Variants in TTLL5 observed in about 807,000 individuals in gnomAD.
The protein encoded by TTLL5 is tubulin tyrosine ligase like 5, also known as tubulin polyglutamylase TTLL5.
In TTLL5, 132 loss-of-function variants were observed where a neutral mutation model predicts 168.4. The ratio of observed to expected loss-of-function variants is 0.78; its 90% CI spans 0.68 to 0.91. TTLL5 has a LOEUF of 0.91. TTLL5 is among the 40% of genes least tolerant of loss of function. TTLL5 has a pLI of 0.00. For synonymous variants in TTLL5, 546 were observed against 558.6 expected (o/e 0.98, Z 0.32); for missense variants, 1,545 against 1,581.5 (o/e 0.98, Z 0.39).
At chr14:75,743,960 C>T (rs543006873) in intron 15 of TTLL5, among the ~76,000 whole-genome samples, 8 of 152,214 alleles carry the variant, frequency 5.3e-5, no homozygotes, top group Non-Finnish European at 1.2e-4. Flanking sequence ...TAATTACCTT[C>T]CAAAAGTCCC....
At chr14:75,781,712 T>C (rs1408109730) in intron 24 of TTLL5, among the ~76,000 whole-genome samples, 2 of 152,102 alleles carry the variant, frequency 1.3e-5, no homozygotes, top group Non-Finnish European at 2.9e-5. Context: ...CCCAGCACTT[T>C]GGGAAGCTGA....
intron 29 of TTLL5, among the ~76,000 whole-genome samples, chr14:75,876,670 A>T (rs1381351781): frequency 3.3e-5 from 5 of 152,204 alleles, no homozygotes; most frequent in Admixed American, 6.5e-5. Flanking sequence ...TTATAGCAGC[A>T]CCAGAAAAGT....
chr14:75,695,180 G>A (rs1316963792), intron 6 of TTLL5, among the ~76,000 whole-genome samples: 1 of 152,150 alleles, frequency 6.6e-6, no homozygotes, highest in Admixed American at 6.5e-5. Context: ...CTAGGGGAAG[G>A]TCCCTAAAAT....
At chr14:75,832,777 T>G (rs1003913432) in intron 28 of TTLL5, among the ~76,000 whole-genome samples, 2 of 152,190 alleles carry the variant, frequency 1.3e-5, no homozygotes, top group African/African-American at 4.8e-5. Flanking sequence ...CGTTACTCAG[T>G]TAGTTTGGCA....
intron 9 of TTLL5, among the ~76,000 whole-genome samples, chr14:75,708,567 C>T (rs1361908497): frequency 2.0e-5 from 3 of 152,070 alleles, no homozygotes; most frequent in Non-Finnish European, 4.4e-5. Flanking sequence ...CCTCGTGATC[C>T]GCCTGCCTCA....
Position 75,766,145 on chromosome 14 carries a change from G to A in TTLL5, c.1792G>A (p.Glu598Lys). Reference protein sequence around the residue: ...EEEVALDNEDEEQEASQEESA... With the variant: ...EEEVALDNEDKEQEASQEESA... ...AGAAGTCGCATTAGATAATGAAGAT[G>A]AAGAACAGGAGGCTTCCCAGGAGGA... is the stretch of plus-strand genomic sequence containing the variant. The change falls in exon 20 of 32, where the codon GAA becomes AAA. Residue 598 changes from glutamate (E) to lysine (K), a missense_variant. Coordinates refer to ENST00000298832, the MANE Select transcript of TTLL5 (RefSeq NM_015072.5). 6.2e-7 allele frequency: 1 copy of A among 1,614,088 alleles called. No homozygotes were observed. The highest frequency in any genetic ancestry group is 8.5e-7 in the Non-Finnish European group (1 of 1,180,006).
intron 31 of TTLL5, among the ~76,000 whole-genome samples, chr14:75,943,102 G>A (rs560985732): frequency 2.0e-5 from 3 of 152,258 alleles, no homozygotes; most frequent in African/African-American, 4.8e-5. Context: ...AGGCGGTGTC[G>A]GGGAAGAGCT....
intron 27 of TTLL5, among the ~76,000 whole-genome samples, chr14:75,796,593 T>C (rs1893008729): frequency 6.6e-6 from 1 of 152,170 alleles, no homozygotes; most frequent in African/African-American, 2.4e-5. Flanking sequence ...CTTGAGTTGA[T>C]TTTTGTGTAA....
intron 31 of TTLL5, among the ~76,000 whole-genome samples, chr14:75,929,447 C>CTTTTTTTTT (rs370380415): frequency 1.7e-5 from 2 of 120,868 alleles, no homozygotes; most frequent in African/African-American, 3.1e-5. Context: ...ATAAAGATAC[C>CTTTTTTTTT]TTTTTTTTTT....
At chr14:75,819,561 C>A (rs1013415960) in intron 27 of TTLL5, among the ~76,000 whole-genome samples, 1 of 152,060 alleles carries the variant, frequency 6.6e-6, no homozygotes, top group Non-Finnish European at 1.5e-5. Flanking sequence ...TTCTCCTAAC[C>A]GTCTTTTTTC....
intron 29 of TTLL5, among the ~76,000 whole-genome samples, chr14:75,876,513 T>C (rs1183487599): frequency 6.6e-6 from 1 of 152,160 alleles, no homozygotes; most frequent in East Asian, 1.9e-4. Flanking sequence ...GTTTTAGAAA[T>C]GAGAGGATAT....
At position 75,783,288 on chromosome 14, in the gene TTLL5, A is replaced by G. The variant is rs770882631; in HGVS notation, c.2744A>G (p.His915Arg). 2.5e-6 allele frequency: 4 copies of G among 1,614,016 alleles called. No homozygotes were observed. The South Asian group carries it at 4.4e-5, about 18-fold the overall frequency. The change falls in exon 26 of 32, where the codon CAT becomes CGT. Residue 915 changes from histidine to arginine, a missense_variant. Coordinates refer to ENST00000298832, the MANE Select transcript of TTLL5 (RefSeq NM_015072.5). The part of the protein sequence containing the change: ...TSDLSPGPCH[H>R]SSLSQIPSAI... The stretch of plus-strand genomic sequence containing the variant: ...GACCTCTCTCCAGGGCCTTGCCACC[A>G]TTCTTCTTTATCTCAAATTCCTTCA...
intron 27 of TTLL5, among the ~76,000 whole-genome samples, chr14:75,815,000 T>G (rs1461241996): frequency 6.6e-6 from 1 of 152,190 alleles, no homozygotes; most frequent in East Asian, 1.9e-4. Flanking sequence ...TTTATTTCAC[T>G]TGTTTTTCTG....
intron 31 of TTLL5, among the ~76,000 whole-genome samples, chr14:75,915,122 C>T (rs963540552): frequency 6.6e-6 from 1 of 152,084 alleles, no homozygotes; most frequent in African/African-American, 2.4e-5. Context: ...CTCTACATCA[C>T]CTAACTAACT....
At chr14:75,839,265 T>C (rs1391994266) in intron 28 of TTLL5, among the ~76,000 whole-genome samples, 7 of 152,190 alleles carry the variant, frequency 4.6e-5, no homozygotes, top group African/African-American at 1.7e-4. Context: ...AGTAATTCTA[T>C]TTTTAAGTTT....
chr14:75,818,436 A>G (rs1270376140), intron 27 of TTLL5: 4 of 375,194 alleles, frequency 1.1e-5, no homozygotes, highest in South Asian at 1.9e-5. Context: ...TGCTACCACG[A>G]TTTTTTTTAC....
chr14:75,666,011 C>A (rs1385606441), intron 2 of TTLL5, among the ~76,000 whole-genome samples: 4 of 152,218 alleles, frequency 2.6e-5, no homozygotes, highest in Admixed American at 2.0e-4. Context: ...CCTCTGCTCC[C>A]ATCCAAATTT....
chr14:75,783,802 C>G (rs1892203082), intron 26 of TTLL5, among the ~76,000 whole-genome samples: 1 of 152,158 alleles, frequency 6.6e-6, no homozygotes, highest in South Asian at 2.1e-4. Context: ...ACAGCCTAGT[C>G]AAGAGATTTC....
chr14:75,890,097 G>A (rs2032326593), intron 30 of TTLL5, among the ~76,000 whole-genome samples: 1 of 152,194 alleles, frequency 6.6e-6, no homozygotes, highest in Admixed American at 6.5e-5. Context: ...GCCCAGTGTT[G>A]TTTTGGAAAG....
Sources: gnomAD v4.1 joint callset for allele counts (sites outside exome capture counted in the v4.1 genomes callset) on GRCh38, gnomAD v4.1.1 for gene constraint, MANE v1.5 for transcripts, NCBI Gene and HGNC (gene_info 2026-07-23, HGNC 2026-07-21) for gene names.